Variants in GAS2 observed in about 807,000 individuals in gnomAD.
The protein encoded by GAS2 is growth arrest-specific protein 2.
A neutral mutation model predicts 37.5 loss-of-function variants in GAS2; 20 were observed. That is an observed-to-expected ratio of 0.53 (90% CI 0.37 to 0.77). The LOEUF (loss-of-function observed/expected upper bound fraction) is 0.77. GAS2 is among the 30% of genes least tolerant of loss of function. The pLI is 0.00. For synonymous variants in GAS2, 144 were observed against 132.2 expected (o/e 1.09, Z -0.61); for missense variants, 336 against 373.4 (o/e 0.90, Z 0.82).
chr11:22,771,184 G>A (rs1854962047), intron 7 of GAS2, among the ~76,000 whole-genome samples: 1 of 151,820 alleles, frequency 6.6e-6, no homozygotes, highest in Admixed American at 6.6e-5. Context: ...TATTGTGGGT[G>A]GCTAGAAGAC....
chr11:22,740,181 A>G (rs1852996885), intron 5 of GAS2, among the ~76,000 whole-genome samples: 1 of 152,168 alleles, frequency 6.6e-6, no homozygotes, highest in Non-Finnish European at 1.5e-5. Context: ...GTGAATTATA[A>G]TGGCCTTGTC....
intron 3 of GAS2, 139 bp from the exon 4 acceptor site, chr11:22,726,153 A>G (rs569032507): frequency 1.3e-6 from 1 of 754,668 alleles, no homozygotes; most frequent in East Asian, 2.7e-5. Context: ...ATAGCATTAT[A>G]TTTCCTTTCT....
At chr11:22,705,841 A>G (rs959657781) in intron 3 of GAS2, among the ~76,000 whole-genome samples, 12 of 152,208 alleles carry the variant, frequency 7.9e-5, no homozygotes, top group Non-Finnish European at 1.8e-4. Context: ...GTGTACATAC[A>G]TGACCTCCTT....
intron 1 of GAS2, among the ~76,000 whole-genome samples, chr11:22,634,165 G>A (rs796988649): frequency 2.6e-5 from 4 of 152,240 alleles, no homozygotes; most frequent in African/African-American, 9.6e-5. Flanking sequence ...CTTACACAGT[G>A]GCCAGCAAAG....
chr11:22,715,934 GA>G (rs1229169564), intron 3 of GAS2, among the ~76,000 whole-genome samples: 2 of 152,030 alleles, frequency 1.3e-5, no homozygotes, highest in African/African-American at 4.8e-5. Flanking sequence ...GACCATAGAT[GA>G]AAAAATCCTT....
intron 7 of GAS2, among the ~76,000 whole-genome samples, chr11:22,769,744 C>G (rs1854878586): frequency 6.6e-6 from 1 of 152,104 alleles, no homozygotes; most frequent in South Asian, 2.1e-4. Context: ...TAAACTGTCT[C>G]CTTGTGAGTT....
intron 3 of GAS2, among the ~76,000 whole-genome samples, chr11:22,711,125 G>T (rs569951886): frequency 4.6e-5 from 7 of 152,122 alleles, no homozygotes; most frequent in African/African-American, 1.7e-4. Context: ...AATGCCATTA[G>T]ACAGCTGAAA....
At chr11:22,771,132 T>G (rs372268157) in intron 7 of GAS2, among the ~76,000 whole-genome samples, 9 of 152,166 alleles carry the variant, frequency 5.9e-5, no homozygotes, top group Non-Finnish European at 1.2e-4. Flanking sequence ...TTTCTTCTTT[T>G]GTTTTTCCCA....
chr11:22,701,980 T>C (rs1029532799), intron 3 of GAS2, among the ~76,000 whole-genome samples: 15 of 152,200 alleles, frequency 9.9e-5, no homozygotes, highest in African/African-American at 3.6e-4. Flanking sequence ...TTCACACTTT[T>C]AAGATTATTT....
chr11:22,701,073 C>G (rs778757145), intron 3 of GAS2, among the ~76,000 whole-genome samples: 1 of 152,036 alleles, frequency 6.6e-6, no homozygotes, highest in African/African-American at 2.4e-5. Context: ...ATTTAACAAC[C>G]AATGTAAAAA....
chr11:22,725,622 C>T (rs1852163644), intron 3 of GAS2, among the ~76,000 whole-genome samples: 1 of 151,982 alleles, frequency 6.6e-6, no homozygotes, highest in Admixed American at 6.6e-5. Flanking sequence ...AGATAGGATA[C>T]CATTATGTTG....
At chr11:22,794,417 C>T (rs958006413) in intron 7 of GAS2, among the ~76,000 whole-genome samples, 2 of 151,980 alleles carry the variant, frequency 1.3e-5, no homozygotes, top group Non-Finnish European at 2.9e-5. Context: ...AATTATGCTG[C>T]TTTATCTTAG....
chr11:22,777,290 C>T (rs1855308564), intron 7 of GAS2, among the ~76,000 whole-genome samples: 1 of 152,168 alleles, frequency 6.6e-6, no homozygotes, highest in Non-Finnish European at 1.5e-5. Context: ...ATAGGCATTA[C>T]CTCTTGTATA....
At chr11:22,683,303 T>C (rs1849785031) in intron 2 of GAS2, among the ~76,000 whole-genome samples, 1 of 152,186 alleles carries the variant, frequency 6.6e-6, no homozygotes, top group Non-Finnish European at 1.5e-5. Flanking sequence ...TGTCACTCTG[T>C]CACCCAGGCT....
At chr11:22,688,311 A>T (rs337472) in intron 3 of GAS2, 55,113 of 151,964 alleles carry the variant, frequency 0.36, 10,793 homozygotes, top group African/African-American at 0.52. Flanking sequence ...AGACCCTTGT[A>T]AGTATTTTCG....
intron 4 of GAS2, among the ~76,000 whole-genome samples, chr11:22,731,146 C>T (rs1852454616): frequency 6.6e-6 from 1 of 151,640 alleles, no homozygotes; most frequent in Non-Finnish European, 1.5e-5. Flanking sequence ...TTTGCATTGG[C>T]CTATCAATTT....
At chr11:22,736,881 C>A (rs1852784345) in intron 4 of GAS2, among the ~76,000 whole-genome samples, 1 of 152,040 alleles carries the variant, frequency 6.6e-6, no homozygotes, top group Admixed American at 6.6e-5. Flanking sequence ...AAAATCCCCA[C>A]ATTTTGCTTA....
At chr11:22,793,541 A>G (rs1227362716) in intron 7 of GAS2, among the ~76,000 whole-genome samples, 1 of 152,212 alleles carries the variant, frequency 6.6e-6, no homozygotes, top group Non-Finnish European at 1.5e-5. Flanking sequence ...TTAGATTTAT[A>G]GAGAACACAA....
chr11:22,700,166 C>T (rs749267144), intron 3 of GAS2, among the ~76,000 whole-genome samples: 1 of 152,082 alleles, frequency 6.6e-6, no homozygotes, highest in African/African-American at 2.4e-5. Flanking sequence ...TCCTTGAGTA[C>T]ATAGTTTATG....
Sources: allele counts gnomAD v4.1 joint callset (sites outside exome capture counted in the v4.1 genomes callset), GRCh38; gene constraint gnomAD v4.1.1; transcripts MANE v1.5; gene names NCBI Gene and HGNC (gene_info 2026-07-23, HGNC 2026-07-21).